The following DAO variants were observed in gnomAD, a reference collection of about 807,000 sequenced individuals.
DAO encodes the protein D-amino-acid oxidase.
DAO carries 51 observed loss-of-function variants against 50.1 expected under a neutral mutation model. The ratio of observed to expected loss-of-function variants is 1.02; its 90% confidence interval spans 0.81 to 1.29. The LOEUF (loss-of-function observed/expected upper bound fraction) is 1.29. Ranked by LOEUF, DAO falls within the 50% of genes most tolerant of loss-of-function variation. The pLI is 0.00. For missense variants in DAO, 436 were observed against 439.4 expected (o/e 0.99, Z 0.07); for synonymous variants, 160 against 166.2 (o/e 0.96, Z 0.29).
At chr12:108,891,484 A>G (rs1593162595) in intron 5 of DAO, among the ~76,000 whole-genome samples, 1 of 151,956 alleles carries the variant, frequency 6.6e-6, no homozygotes, top group Non-Finnish European at 1.5e-5. Context: ...AATATGGAAT[A>G]TATAGTGGCT....
Position 108,880,129 on chromosome 12 carries a change from C to T in DAO, c.-105C>T, listed in dbSNP as rs902145407. 2.2e-6 allele frequency: 1 copy of T among 456,710 alleles called. No homozygotes were observed. The highest frequency in any genetic ancestry group is 7.0e-5 in the East Asian group (1 of 14,388). 28.3% of individuals were successfully genotyped at this position (456,710 alleles called of 1,614,324 possible). A position where few individuals can be genotyped will look rare whatever the true frequency, so the allele number is the denominator to read the frequency against. On this transcript the variant is annotated 5_prime_UTR_variant, in exon 1 of 11. Coordinates refer to ENST00000228476, the MANE Select transcript of DAO (RefSeq NM_001917.5). ...GGGCTGGCGGACAGAGGGCTGGAAA[C>T]AAGACGCTCCAGAATCAGGAGCTTC...
At chr12:108,887,428 G>C in intron 2 of DAO, 22 bp from the exon 3 acceptor site, 3 of 1,582,410 alleles carry the variant, frequency 1.9e-6, no homozygotes, top group South Asian at 2.2e-5. Context: ...TTGGGTGATC[G>C]AACTCTTCAT....
At chr12:108,888,991 G>C (rs2039461620) in intron 3 of DAO, among the ~76,000 whole-genome samples, 1 of 152,110 alleles carries the variant, frequency 6.6e-6, no homozygotes, top group Non-Finnish European at 1.5e-5. Context: ...CTGTAAACTG[G>C]GGAAAGAATA....
chr12:108,893,144 G>A, intron 6 of DAO, 108 bp downstream of exon 6: 7 of 965,740 alleles, frequency 7.2e-6, no homozygotes, highest in African/African-American at 1.6e-5. Flanking sequence ...GGTCCCCACA[G>A]GCCTGCCTCA....
rs2039468262 is a variant in DAO, at chr12:108,889,543, C to CGG, written c.386_386+1dup. Reference sequence around the variant, plus strand: ...GAGAGCTGGATATGTTCCCAGATTACGGGTGAGTTTATTGTCACAGGCAAA... The same window carrying CGG: ...GAGAGCTGGATATGTTCCCAGATTACGGGGGTGAGTTTATTGTCACAGGCAAA... On this transcript the variant is annotated frameshift_variant and splice_region_variant, in exon 4 of 11. Coordinates refer to ENST00000228476, the MANE Select transcript of DAO (RefSeq NM_001917.5). LOFTEE classifies it high-confidence loss of function. The CGG allele has an allele frequency of 1.9e-6, 3 of 1,611,084 alleles. No homozygotes were observed. The African/African-American group carries it at 4.0e-5, about 22-fold the overall frequency.
chr12:108,888,172 T>C (rs1406411783), intron 3 of DAO, among the ~76,000 whole-genome samples: 1 of 152,200 alleles, frequency 6.6e-6, no homozygotes, highest in Non-Finnish European at 1.5e-5. Context: ...GTGTCCAGTG[T>C]GCTAACAGGA....
At chr12:108,887,349 A>AC (rs2039445870) in intron 2 of DAO, 101 bp from the exon 3 acceptor site, 1 of 861,170 alleles carries the variant, frequency 1.2e-6, no homozygotes, top group Admixed American at 1.7e-5. Flanking sequence ...TTTTGGACAC[A>AC]CCCCAAGCTC....
chr12:108,889,038 G>A (rs908701389), intron 3 of DAO, among the ~76,000 whole-genome samples: 1 of 152,078 alleles, frequency 6.6e-6, no homozygotes, highest in African/African-American at 2.4e-5. Context: ...AGATTAAATG[G>A]ACCAGTATAA....
At chr12:108,883,826 A>G in intron 1 of DAO, 1 of 335,224 alleles carries the variant, frequency 3.0e-6, no homozygotes, top group Non-Finnish European at 6.1e-6. Flanking sequence ...CTGAAACCCC[A>G]ACAGAGTCCA....
rs551786568 is a variant in DAO at position 108,885,112 on chromosome 12, G to A, written c.106G>A (p.Ala36Thr). 15 of 1,613,814 alleles carry A rather than the reference G, an allele frequency of 9.3e-6. No homozygotes were observed. The highest frequency in any genetic ancestry group is 4.0e-5 in the African/African-American group (3 of 75,030). ...VLQPLDIKVY[A>T]DRFTPLTTTD... ...GCAGCCACTGGACATAAAGGTCTAC[G>A]CGGACCGCTTCACCCCACTCACCAC... Residue 36 changes from alanine to threonine, a missense_variant, in exon 2 of 11, where the codon GCG becomes ACG. Physicochemically the swap from Ala to Thr is moderately conservative, Grantham distance 58. Coordinates refer to ENST00000228476, the MANE Select transcript of DAO (RefSeq NM_001917.5).
chr12:108,892,159 C>CTTTTTTTTTTTT (rs11356161), intron 5 of DAO, among the ~76,000 whole-genome samples: 9 of 108,990 alleles, frequency 8.3e-5, no homozygotes, highest in South Asian at 3.0e-4. Flanking sequence ...TTTCTTTCTT[C>CTTTTTTTTTTTT]TTTTTTTTTT....
intron 1 of DAO, chr12:108,883,539 C>A: frequency 2.2e-6 from 1 of 447,148 alleles, no homozygotes. Context: ...TGTTGAGGGC[C>A]TACTCTGTGC....
At chr12:108,899,160 T>C (rs1332602896) in intron 9 of DAO, among the ~76,000 whole-genome samples, 1 of 151,900 alleles carries the variant, frequency 6.6e-6, no homozygotes, top group Admixed American at 6.6e-5. Flanking sequence ...GTGAGGGTAG[T>C]GGTTGATGAT....
chr12:108,885,698 C>G (rs534154393), intron 2 of DAO, among the ~76,000 whole-genome samples: 1 of 152,288 alleles, frequency 6.6e-6, no homozygotes, highest in East Asian at 1.9e-4. Context: ...AAACTGGGTG[C>G]CTGTCAATAC....
In DAO at chr12:108,900,515, A is replaced by ATGCCACCATCCCACCTCTGAAGAC. The variant is rs1450428812; in HGVS notation, c.1026_*5dup. 1.2e-6 allele frequency: 2 copies of ATGCCACCATCCCACCTCTGAAGAC among 1,614,054 alleles called. No homozygotes were observed. Among genetic ancestry groups the ATGCCACCATCCCACCTCTGAAGAC allele is most frequent in the Non-Finnish European group, 1.7e-6 (2 of 1,179,952 alleles). ...CCTGGAAGAAAAGAAATTGTCCAGA[A>ATGCCACCATCCCACCTCTGAAGAC]TGCCACCATCCCACCTCTGAAGACT... On this transcript the variant is annotated stop_gained and inframe_insertion, in exon 11 of 11. Transcript: ENST00000228476. LOFTEE classifies it high-confidence loss of function.
At chr12:108,896,889 G>T in intron 7 of DAO, 117 bp from the exon 8 acceptor site, 5 of 785,330 alleles carry the variant, frequency 6.4e-6, no homozygotes, top group Non-Finnish European at 1.1e-5. Context: ...TGTCATGAGA[G>T]GTCTTATAAG....
At chr12:108,883,904 C>T (rs1334853181) in intron 1 of DAO, 1 of 253,674 alleles carries the variant, frequency 3.9e-6, no homozygotes, top group Non-Finnish European at 8.1e-6. Context: ...GTCCCGCTGT[C>T]CAGGGCCACA....
At chr12:108,893,966 T>C (rs578019554) in intron 6 of DAO, among the ~76,000 whole-genome samples, 2 of 152,170 alleles carry the variant, frequency 1.3e-5, no homozygotes, top group Admixed American at 1.3e-4. Flanking sequence ...TTACAACCAC[T>C]TTTATATTCA....
At chr12:108,892,077 G>C (rs989402440) in intron 5 of DAO, among the ~76,000 whole-genome samples, 29 of 151,588 alleles carry the variant, frequency 1.9e-4, no homozygotes, top group Non-Finnish European at 4.3e-4. Context: ...ATGGAAATGA[G>C]ATAGTTCCAA....
Sources: gnomAD v4.1 joint callset for allele counts (sites outside exome capture counted in the v4.1 genomes callset) on GRCh38, gnomAD v4.1.1 for gene constraint, MANE v1.5 for transcripts, NCBI Gene and HGNC (gene_info 2026-07-23, HGNC 2026-07-21) for gene names.